Variants in CDC25C observed in about 807,000 individuals in gnomAD.
CDC25C encodes M-phase inducer phosphatase 3.
A neutral mutation model predicts 52.5 loss-of-function variants in CDC25C; 48 were observed. The ratio of observed to expected loss-of-function variants is 0.91; its 90% CI spans 0.72 to 1.16. The LOEUF is 1.16. CDC25C is among the 50% of genes most tolerant of loss of function. The pLI, the probability that CDC25C is intolerant of heterozygous loss-of-function variation, is 0.00. For missense variants in CDC25C, 510 were observed against 566.1 expected (o/e 0.90, Z 1.01); for synonymous variants, 187 against 206.5 (o/e 0.91, Z 0.81).
At chr5:138,337,972 C>T (rs1055183549) in exon 1 of CDC25C, 11 of 1,289,614 alleles carry the variant, frequency 8.5e-6, no homozygotes, top group South Asian at 1.2e-5. Context: ...CCGACATGGC[C>T]TCCCCCGCGG....
At chr5:138,334,275 C>T (rs1284277082), upstream of CDC25C, among the ~76,000 whole-genome samples, 1 of 151,930 alleles carries the variant, frequency 6.6e-6, no homozygotes, top group Admixed American at 6.6e-5. Flanking sequence ...CGCCTGTAGT[C>T]CCAGCTACTT....
Position 138,286,481 on chromosome 5 carries a change from C to T in CDC25C, c.1160+16G>A. The T allele has an allele frequency of 1.2e-6, 2 of 1,604,314 alleles. No individual in the cohort carries two copies. The highest frequency in any genetic ancestry group is 1.7e-6 in the Non-Finnish European group (2 of 1,174,866). On this transcript the variant is annotated intron_variant, in intron 12 of 13. Transcript: ENST00000323760. ...ATCCATTTCCATCACCCGCCAGACC[C>T]CATTTAGACACTCACATTCGGGGGC... is the stretch of plus-strand genomic sequence containing the variant.
intron 7 of CDC25C, among the ~76,000 whole-genome samples, chr5:138,309,697 C>T (rs531771559): frequency 1.3e-5 from 2 of 149,118 alleles, no homozygotes; most frequent in African/African-American, 4.9e-5. Context: ...CTAACTAAAA[C>T]CTCCCCTGGC....
upstream of CDC25C, chr5:138,333,424 C>T (rs2126862005): frequency 6.6e-6 from 1 of 152,354 alleles, no homozygotes; most frequent in Non-Finnish European, 1.5e-5. Context: ...ATACCCTTTT[C>T]ATCTGCAGAA....
At chr5:138,331,510 A>C in intron 1 of CDC25C, 85 bp downstream of exon 1, 1 of 1,048,118 alleles carries the variant, frequency 9.5e-7, no homozygotes, top group Non-Finnish European at 1.2e-6. Context: ...GGCCCTCCCA[A>C]CCTCTGTCTG....
At chr5:138,302,740 A>G (rs1451169639) in intron 7 of CDC25C, among the ~76,000 whole-genome samples, 1 of 151,462 alleles carries the variant, frequency 6.6e-6, no homozygotes, top group Non-Finnish European at 1.5e-5. Flanking sequence ...GATTAAAAAA[A>G]AAACTCACTT....
At chr5:138,323,718 T>C (rs1490905393) in intron 6 of CDC25C, among the ~76,000 whole-genome samples, 2 of 152,012 alleles carry the variant, frequency 1.3e-5, no homozygotes, top group Admixed American at 1.3e-4. Context: ...CCCAGCACTT[T>C]GGGAGGCCGA....
chr5:138,323,662 A>T (rs1008625028), intron 6 of CDC25C, among the ~76,000 whole-genome samples: 3 of 152,124 alleles, frequency 2.0e-5, no homozygotes, highest in African/African-American at 2.4e-5. Flanking sequence ...GTAATTTTTT[A>T]AAAAATTCCA....
chr5:138,313,963 T>TTTTCTTTC (rs55833555), intron 7 of CDC25C, among the ~76,000 whole-genome samples: 13,548 of 105,886 alleles, frequency 0.13, 1,243 homozygotes, highest in African/African-American at 0.19. Flanking sequence ...CTATGTCCCT[T>TTTTCTTTC]TTTCTTTCTT....
chr5:138,292,501 A>AC (rs1333268688), intron 7 of CDC25C, among the ~76,000 whole-genome samples: 1 of 151,798 alleles, frequency 6.6e-6, no homozygotes, highest in Non-Finnish European at 1.5e-5. Flanking sequence ...AAAAAAAAAA[A>AC]AACATAAGTC....
chr5:138,294,566 G>A (rs1319731495), intron 7 of CDC25C, among the ~76,000 whole-genome samples: 4 of 142,380 alleles, frequency 2.8e-5, no homozygotes, highest in African/African-American at 5.3e-5. Flanking sequence ...GTGCAGTGGC[G>A]CGACCTCAGC....
At chr5:138,290,508 C>T (rs1009587676) in intron 9 of CDC25C, 131 bp downstream of exon 9, 5 of 644,944 alleles carry the variant, frequency 7.8e-6, no homozygotes, top group Non-Finnish European at 1.4e-5. Flanking sequence ...GGATCTACCA[C>T]TAGAGCACTG....
At position 138,319,269 on chromosome 5, in the gene CDC25C, C is replaced by A. The variant is rs1759151492; in HGVS notation, c.565G>T (p.Glu189Ter). 7 of 1,613,782 alleles carry A rather than the reference C, an allele frequency of 4.3e-6. No individual in the cohort carries two copies. The highest frequency in any genetic ancestry group is 5.9e-6 in the Non-Finnish European group (7 of 1,179,802). Residue 189 changes from glutamate to a stop codon, truncating the protein, a stop_gained, in exon 7 of 14, where the codon GAG becomes TAG. Coordinates refer to ENST00000323760, the MANE Select transcript of CDC25C (RefSeq NM_001790.5). LOFTEE classifies it high-confidence loss of function. ...AACTCCATTAATTCATCTGAAATCT[C>A]TTCTGCCTGGTCTTCTCCTAGGTTT... ...NPNLGEDQAEEISDELMEFSL... is the reference protein window; with the variant it reads ...NPNLGEDQAE
At chr5:138,336,784 C>T (rs536515492), upstream of CDC25C, 1 of 152,304 alleles carries the variant, frequency 6.6e-6, no homozygotes, top group South Asian at 2.1e-4. Context: ...GCTCCTTTTG[C>T]CAAGGGGAAA....
chr5:138,337,955 C>T lies in CDC25C; in HGVS notation c.13+1G>A. ...AGGGCAGGGGCGATGCCTTTGTTTACCTTCTTCCGACATGGCCTCCCCCGC... is the reference window on the plus strand; with the variant it reads ...AGGGCAGGGGCGATGCCTTTGTTTATCTTCTTCCGACATGGCCTCCCCCGC... On this transcript the variant is annotated splice_donor_variant, in intron 1 of 5. Coordinates refer to the CDC25C transcript ENST00000510119. LOFTEE classifies it high-confidence loss of function. 3 of 1,289,340 alleles carry T rather than the reference C, an allele frequency of 2.3e-6. No individual in the cohort carries two copies. Among genetic ancestry groups the T allele is most frequent in the Non-Finnish European group, 3.0e-6 (3 of 988,666 alleles). 79.9% of individuals were successfully genotyped at this position (1,289,340 alleles called of 1,614,324 possible). A position where few individuals can be genotyped will look rare whatever the true frequency, so the allele number is the denominator to read the frequency against.
At chr5:138,336,225 C>A (rs957131621), upstream of CDC25C, among the ~76,000 whole-genome samples, 4 of 151,872 alleles carry the variant, frequency 2.6e-5, no homozygotes, top group Non-Finnish European at 4.4e-5. Context: ...CTCTGCCTCC[C>A]CGGTTCAAGC....
intron 2 of CDC25C, 79 bp from the exon 3 acceptor site, chr5:138,329,726 C>CTTTTTTT (rs71574413): frequency 1.9e-4 from 57 of 293,698 alleles, no homozygotes; most frequent in African/African-American, 4.7e-4. Context: ...TCATCCTCTT[C>CTTTTTTT]TTTTTTTTTT....
chr5:138,332,978 G>C (rs1182980716), upstream of CDC25C, among the ~76,000 whole-genome samples: 1 of 152,154 alleles, frequency 6.6e-6, no homozygotes, highest in Non-Finnish European at 1.5e-5. Context: ...TGCTTCTCAA[G>C]GTTTAATTTG....
Position 138,320,909 on chromosome 5 carries a change from C to G in CDC25C, c.460-1535G>C, listed in dbSNP as rs529634413. ...CCAGCCTGGGTGACAGAGTGAGACTCTGTCTCAAAAAAAAAAAAAAAAAAA... is the reference window on the plus strand; with the variant it reads ...CCAGCCTGGGTGACAGAGTGAGACTGTGTCTCAAAAAAAAAAAAAAAAAAA... On this transcript the variant is annotated intron_variant, in intron 6 of 13. Coordinates refer to ENST00000323760, the MANE Select transcript of CDC25C (RefSeq NM_001790.5). 2.1e-3 allele frequency among the ~76,000 whole-genome samples: 210 copies of G among 99,966 alleles called. 1 individual carries two copies. Among genetic ancestry groups the G allele is most frequent in the African/African-American group, 8.5e-3 (199 of 23,448 alleles). 65.6% of individuals were successfully genotyped at this position (99,966 alleles called of 152,430 possible). A position where few individuals can be genotyped will look rare whatever the true frequency, so the allele number is the denominator to read the frequency against.
Sources: gnomAD v4.1 joint callset for allele counts (sites outside exome capture counted in the v4.1 genomes callset) on GRCh38, gnomAD v4.1.1 for gene constraint, MANE v1.5 for transcripts, NCBI Gene and HGNC (gene_info 2026-07-23, HGNC 2026-07-21) for gene names.